The following PKHD1 variants were observed in gnomAD, a reference collection of about 807,000 sequenced individuals.
The protein encoded by PKHD1 is PKHD1 ciliary IPT domain containing fibrocystin/polyductin.
Under a neutral mutation model 412.0 loss-of-function variants are expected in PKHD1, and 291 were observed. The observed-to-expected ratio is 0.71, with a 90% confidence interval of 0.64 to 0.78. PKHD1 has a LOEUF of 0.78. Ranked by LOEUF, PKHD1 falls within the 30% of genes least tolerant of loss-of-function variation. The pLI is 0.00. For missense variants in PKHD1, 4,825 were observed against 4,950.7 expected (o/e 0.97, Z 0.76); for synonymous variants, 1,777 against 1,821.5 (o/e 0.98, Z 0.62).
rs577221666 is a variant in PKHD1 at position 51,974,532 on chromosome 6, C to T, written c.5752-14506G>A. On this transcript the variant is annotated intron_variant, in intron 35 of 66. Coordinates refer to ENST00000371117, the MANE Select transcript of PKHD1 (RefSeq NM_138694.4). Reference sequence around the variant, plus strand: ...AAAGTATGTTTAGAGGATAGGAGGTCAATGTAGAAAATAAATGAAGCTTAA... The same window carrying T: ...AAAGTATGTTTAGAGGATAGGAGGTTAATGTAGAAAATAAATGAAGCTTAA... Among the ~76,000 whole-genome samples, 4 of 152,222 alleles carry T rather than the reference C, an allele frequency of 2.6e-5. No individual in the cohort carries two copies. In the South Asian group the frequency reaches 8.3e-4, roughly 32 times the overall value.
At chr6:51,897,336 A>G (rs1184145544) in intron 43 of PKHD1, among the ~76,000 whole-genome samples, 1 of 152,156 alleles carries the variant, frequency 6.6e-6, no homozygotes, top group Non-Finnish European at 1.5e-5. Flanking sequence ...CCTACAAGCC[A>G]GAAGAGTGTG....
intron 53 of PKHD1, among the ~76,000 whole-genome samples, chr6:51,789,581 G>GA (rs56375928): frequency 0.59 from 88,859 of 151,514 alleles, 26,805 homozygotes; most frequent in East Asian, 0.83. Context: ...GTATGTGTAA[G>GA]AAAAAAAATG....
At chr6:51,868,235 G>A in intron 47 of PKHD1, 126 bp from the exon 48 acceptor site, 8 of 890,160 alleles carry the variant, frequency 9.0e-6, no homozygotes, top group Middle Eastern at 3.1e-4. Flanking sequence ...ATTCATGCAA[G>A]AAAAAAAGTG....
intron 27 of PKHD1, among the ~76,000 whole-genome samples, chr6:52,037,715 C>T (rs1278999870): frequency 1.3e-5 from 2 of 152,206 alleles, no homozygotes; most frequent in East Asian, 3.8e-4. Flanking sequence ...TAAATAAACA[C>T]TCATATATGC....
intron 47 of PKHD1, among the ~76,000 whole-genome samples, chr6:51,869,154 T>C (rs1457602316): frequency 6.6e-6 from 1 of 152,168 alleles, no homozygotes; most frequent in Non-Finnish European, 1.5e-5. Flanking sequence ...GTATTTCATT[T>C]GATACCACAA....
chr6:51,939,655 A>T (rs1046199082), intron 36 of PKHD1, among the ~76,000 whole-genome samples: 4 of 151,590 alleles, frequency 2.6e-5, no homozygotes, highest in African/African-American at 4.8e-5. Context: ...ACGTCCAGAC[A>T]TTCTTTTACA....
At chr6:52,083,119 G>A (rs1446201132) in intron 3 of PKHD1, 59 bp downstream of exon 3, 2 of 1,131,038 alleles carry the variant, frequency 1.8e-6, no homozygotes, top group African/African-American at 1.5e-5. Context: ...AAGACTCATA[G>A]TCTTTAGGAT....
intron 34 of PKHD1, among the ~76,000 whole-genome samples, chr6:52,015,297 T>C (rs1018463732): frequency 2.0e-5 from 3 of 152,248 alleles, no homozygotes; most frequent in Non-Finnish European, 2.9e-5. Context: ...ATGATTGTTA[T>C]AAATATTACA....
At chr6:51,977,276 C>A (rs904944876) in intron 35 of PKHD1, among the ~76,000 whole-genome samples, 4 of 152,158 alleles carry the variant, frequency 2.6e-5, no homozygotes, top group African/African-American at 9.7e-5. Flanking sequence ...TGGGTTTGCA[C>A]ACCTTGTTTC....
chr6:51,672,818 C>T (rs890403739), intron 60 of PKHD1, among the ~76,000 whole-genome samples: 18 of 152,114 alleles, frequency 1.2e-4, no homozygotes, highest in African/African-American at 4.3e-4. Context: ...AAGGAAGGGG[C>T]TCTTGAACAA....
chr6:51,620,361 TAA>T (rs1413051196), intron 66 of PKHD1, among the ~76,000 whole-genome samples: 1 of 152,158 alleles, frequency 6.6e-6, no homozygotes, highest in African/African-American at 2.4e-5. Context: ...TGTGTAAAGA[TAA>T]AGACTGCAAT....
intron 27 of PKHD1, among the ~76,000 whole-genome samples, chr6:52,036,394 G>T (rs953100769): frequency 2.5e-4 from 38 of 152,250 alleles, no homozygotes; most frequent in African/African-American, 8.4e-4. Context: ...TTAGCAAGAA[G>T]AGAGTTGGCT....
At chr6:51,702,236 A>ATAATATATAATATATTAT (rs1241048962) in intron 60 of PKHD1, among the ~76,000 whole-genome samples, 2 of 148,400 alleles carry the variant, frequency 1.3e-5, no homozygotes, top group Non-Finnish European at 1.5e-5. Context: ...TATGTCATGG[A>ATAATATATAATATATTAT]ATACTACTCA....
intron 34 of PKHD1, 141 bp downstream of exon 34, chr6:52,017,269 T>C: frequency 1.4e-6 from 1 of 720,498 alleles, no homozygotes; most frequent in South Asian, 1.5e-5. Flanking sequence ...GAATCCACAA[T>C]GGAATGGCCC....
intron 16 of PKHD1, 56 bp downstream of exon 16, chr6:52,058,267 A>G (rs1047939055): frequency 3.2e-6 from 5 of 1,582,498 alleles, no homozygotes; most frequent in African/African-American, 1.3e-5. Flanking sequence ...CTCCTGCTAC[A>G]TGGGACTTTA....
chr6:52,026,065 A>C lies in PKHD1; in HGVS notation c.3745T>G (p.Cys1249Gly). The C allele has an allele frequency of 1.2e-6, 2 of 1,614,172 alleles. No individual in the cohort carries two copies. Among genetic ancestry groups the C allele is most frequent in the Non-Finnish European group, 1.7e-6 (2 of 1,180,034 alleles). ...ATCTGGGGGGCTGGCAGGGTTTCAC[A>C]CCAGATGCTCGCCTCCGTTAAGTTC... is the stretch of plus-strand genomic sequence containing the variant. ...IVNLTEASIW[C>G]ETLPAPQIPD... is the part of the protein sequence containing the mutation. The change falls in exon 32 of 67, where the codon TGT (cysteine) becomes GGT (glycine). Residue 1249 changes from cysteine (C) to glycine (G), a missense_variant. Cys to Gly is a radical substitution (Grantham distance 159). Transcript: ENST00000371117.
At chr6:51,980,865 A>G (rs1795051411) in intron 35 of PKHD1, among the ~76,000 whole-genome samples, 1 of 152,238 alleles carries the variant, frequency 6.6e-6, no homozygotes, top group African/African-American at 2.4e-5. Flanking sequence ...ATTGAAATCT[A>G]TGAACAATAA....
intron 48 of PKHD1, among the ~76,000 whole-genome samples, chr6:51,866,273 T>C (rs1240774694): frequency 1.3e-5 from 2 of 152,146 alleles, no homozygotes; most frequent in African/African-American, 4.8e-5. Context: ...GAGTGACCAA[T>C]CAGCCTAGAT....
At chr6:51,821,982 T>A (rs9474090) in intron 52 of PKHD1, among the ~76,000 whole-genome samples, 50,705 of 152,052 alleles carry the variant, frequency 0.33, 8,800 homozygotes, top group Middle Eastern at 0.48. Context: ...CCACTCCACC[T>A]GGCTGACAGT....
Sources: allele counts gnomAD v4.1 joint callset (sites outside exome capture counted in the v4.1 genomes callset), GRCh38; gene constraint gnomAD v4.1.1; transcripts MANE v1.5; gene names NCBI Gene and HGNC (gene_info 2026-07-23, HGNC 2026-07-21).